The following TMEM40 variants were observed in gnomAD, a reference collection of about 807,000 sequenced individuals.
TMEM40 encodes the protein transmembrane protein 40.
Under a neutral mutation model 40.8 loss-of-function variants are expected in TMEM40, and 34 were observed. The ratio of observed to expected loss-of-function variants is 0.83; its 90% CI spans 0.63 to 1.11. The LOEUF is 1.11. Among genes scored for constraint, TMEM40 ranks in the 50% least tolerant of loss-of-function variants. The pLI, the probability that TMEM40 is intolerant of heterozygous loss-of-function variation, is 0.00. For synonymous variants in TMEM40, 106 were observed against 107.0 expected (o/e 0.99, Z 0.06); for missense variants, 296 against 280.2 (o/e 1.06, Z -0.40).
intron 1 of TMEM40, among the ~76,000 whole-genome samples, chr3:12,764,644 C>T (rs2061586131): frequency 6.6e-6 from 1 of 152,096 alleles, no homozygotes; most frequent in African/African-American, 2.4e-5. Context: ...CCTTACTCAT[C>T]CTGGGCCTCC....
At chr3:12,751,755 T>C (rs2061478835) in intron 1 of TMEM40, among the ~76,000 whole-genome samples, 2 of 152,198 alleles carry the variant, frequency 1.3e-5, no homozygotes, top group South Asian at 4.1e-4. Flanking sequence ...CTAGTACATA[T>C]TCATTGGCTG....
At chr3:12,751,859 C>T (rs1055221067) in intron 1 of TMEM40, among the ~76,000 whole-genome samples, 9 of 152,122 alleles carry the variant, frequency 5.9e-5, no homozygotes, top group African/African-American at 1.9e-4. Flanking sequence ...GTCAGATAGA[C>T]CGAAGTTTAC....
At chr3:12,751,838 T>G (rs1310287592) in intron 1 of TMEM40, among the ~76,000 whole-genome samples, 1 of 152,158 alleles carries the variant, frequency 6.6e-6, no homozygotes, top group Non-Finnish European at 1.5e-5. Context: ...GAAAGAGAGC[T>G]GCTGGCTGAT....
intron 7 of TMEM40, 54 bp from the exon 8 acceptor site, chr3:12,737,808 G>A: frequency 1.3e-6 from 2 of 1,560,714 alleles, no homozygotes; most frequent in East Asian, 4.5e-5. Flanking sequence ...CGGGAGGTGG[G>A]ATTTTCTTTT....
Position 12,749,075 on chromosome 3 carries a change from A to ACTG in TMEM40, c.74-286_74-284dup, listed in dbSNP as rs1301269246. Among the ~76,000 whole-genome samples, 3 of 151,134 alleles carry ACTG rather than the reference A, an allele frequency of 2.0e-5. No homozygotes were observed. The East Asian group carries it at 5.9e-4, about 29-fold the overall frequency. ...AGTCTTGCTCTTTTGCCCAGGCTGG[A>ACTG]CTGCAGTGACGCTATCTCGGCTCAC... is the stretch of plus-strand genomic sequence containing the variant. On this transcript the variant is annotated intron_variant, in intron 2 of 11. Transcript: ENST00000314124.
At chr3:12,742,344 G>A in intron 5 of TMEM40, 110 bp downstream of exon 5, 12 of 1,300,204 alleles carry the variant, frequency 9.2e-6, no homozygotes, top group Non-Finnish European at 9.8e-6. Flanking sequence ...CCTGTATTTG[G>A]CTGGGACTTT....
At chr3:12,744,822 T>C (rs562673113) in intron 3 of TMEM40, among the ~76,000 whole-genome samples, 1 of 152,180 alleles carries the variant, frequency 6.6e-6, no homozygotes, top group African/African-American at 2.4e-5. Context: ...GAAACCAAAT[T>C]AATTGTGTTT....
At chr3:12,767,769 C>CA (rs2061600715) in intron 1 of TMEM40, among the ~76,000 whole-genome samples, 1 of 152,084 alleles carries the variant, frequency 6.6e-6, no homozygotes, top group Non-Finnish European at 1.5e-5. Context: ...AACAAAGAGG[C>CA]AAGGAGGGTC....
At chr3:12,745,328 A>G (rs576813284) in intron 3 of TMEM40, among the ~76,000 whole-genome samples, 1 of 151,882 alleles carries the variant, frequency 6.6e-6, no homozygotes, top group Non-Finnish European at 1.5e-5. Flanking sequence ...TTGGACTCCC[A>G]AAGTGTTGGA....
intron 3 of TMEM40, among the ~76,000 whole-genome samples, chr3:12,745,226 A>ATTTTTTTTT (rs144839288): frequency 3.5e-4 from 45 of 127,100 alleles, no homozygotes; most frequent in African/African-American, 1.2e-3. Flanking sequence ...CACCTGGCTA[A>ATTTTTTTTT]TTTTTTTTTT....
chr3:12,738,670 G>A (rs2061357484), intron 5 of TMEM40, 82 bp from the exon 6 acceptor site: 2 of 1,452,608 alleles, frequency 1.4e-6, no homozygotes, highest in African/African-American at 1.4e-5. Context: ...GGTGGATCCT[G>A]CTCGGAGACT....
At chr3:12,762,842 G>A (rs7622892), upstream of TMEM40, among the ~76,000 whole-genome samples, 8,369 of 152,188 alleles carry the variant, frequency 0.055, 728 homozygotes, top group African/African-American at 0.19. Context: ...AAGCCCCACT[G>A]GACTGGGTGA....
At chr3:12,754,457 G>C (rs1274703967) in intron 1 of TMEM40, among the ~76,000 whole-genome samples, 1 of 152,252 alleles carries the variant, frequency 6.6e-6, no homozygotes. Context: ...CAAGCATCTA[G>C]GTTGTTGTCT....
rs531183120 is a variant in TMEM40, at chr3:12,746,915, G to C, written c.211+1740C>G. ...AACACTCCTTCCTGCCCAGGGAGGAGAAACAAAAGGAGAGGCAACAAACAG... is the reference window on the plus strand; with the variant it reads ...AACACTCCTTCCTGCCCAGGGAGGACAAACAAAAGGAGAGGCAACAAACAG... On this transcript the variant is annotated intron_variant, in intron 3 of 11. Transcript: ENST00000314124. Among the ~76,000 whole-genome samples the C allele has an allele frequency of 3.3e-5, 5 of 152,244 alleles. No homozygotes were observed. The South Asian group carries it at 1.0e-3, about 32-fold the overall frequency.
At chr3:12,742,409 C>T (rs867395371) in intron 5 of TMEM40, 45 bp downstream of exon 5, 2 of 1,601,132 alleles carry the variant, frequency 1.2e-6, no homozygotes, top group Admixed American at 1.7e-5. Flanking sequence ...GCCCTCTTTT[C>T]CTTCGTCTAA....
At chr3:12,737,471 C>T (rs939738542) in intron 8 of TMEM40, 6 of 589,370 alleles carry the variant, frequency 1.0e-5, no homozygotes, top group African/African-American at 9.4e-5. Flanking sequence ...GCTCAGGCCA[C>T]TCCACTCACA....
In TMEM40 at chr3:12,733,830, G is replaced by T. The variant is rs1259124259; in HGVS notation, c.*944C>A. On this transcript the variant is annotated 3_prime_UTR_variant, in exon 12 of 12. Coordinates refer to ENST00000314124, the MANE Select transcript of TMEM40 (RefSeq NM_018306.4). ...ATGTGAGGGATACATATGTTAATTAGCTTGATTTAGCCATTCCACATATTT... is the reference window on the plus strand; with the variant it reads ...ATGTGAGGGATACATATGTTAATTATCTTGATTTAGCCATTCCACATATTT... 6.6e-6 allele frequency: 1 copy of T among 151,860 alleles called. No homozygotes were observed. Among genetic ancestry groups the T allele is most frequent in the Admixed American group, 6.6e-5 (1 of 15,240 alleles). 9.4% of individuals were successfully genotyped at this position (151,860 alleles called of 1,614,324 possible). A position where few individuals can be genotyped will look rare whatever the true frequency, so the allele number is the denominator to read the frequency against.
intron 1 of TMEM40, among the ~76,000 whole-genome samples, chr3:12,768,280 G>A (rs546274805): frequency 1.5e-4 from 23 of 152,212 alleles, no homozygotes; most frequent in African/African-American, 4.8e-4. Flanking sequence ...TAAAGCCAGC[G>A]TGGACCCAAA....
intron 1 of TMEM40, among the ~76,000 whole-genome samples, chr3:12,752,301 T>C (rs1485975468): frequency 6.6e-6 from 1 of 152,186 alleles, no homozygotes; most frequent in Non-Finnish European, 1.5e-5. Flanking sequence ...GGACTAAGGC[T>C]GATTCATTTC....
Sources: gnomAD v4.1 joint callset for allele counts (sites outside exome capture counted in the v4.1 genomes callset) on GRCh38, gnomAD v4.1.1 for gene constraint, MANE v1.5 for transcripts, NCBI Gene and HGNC (gene_info 2026-07-23, HGNC 2026-07-21) for gene names.